Variants in ZAN observed in about 807,000 individuals in gnomAD.
ZAN encodes zonadhesin (gene/pseudogene).
A neutral mutation model predicts 286.2 loss-of-function variants in ZAN; 260 were observed. The observed-to-expected ratio is 0.91, with a 90% confidence interval of 0.82 to 1.01. The LOEUF is 1.01. Ranked by LOEUF, ZAN falls within the 50% of genes least tolerant of loss-of-function variation. The pLI is 0.00. For synonymous variants in ZAN, 1,368 were observed against 1,417.5 expected (o/e 0.97, Z 0.79); for missense variants, 3,410 against 3,639.2 (o/e 0.94, Z 1.62).
rs550685291 is a variant in ZAN at position 100,774,052 on chromosome 7, T to A, written c.5779+187T>A. On this transcript the variant is annotated intron_variant, in intron 31 of 47. Transcript: ENST00000613979. ...AGAAGGGAACCTTGGGGCTCACCCA[T>A]CCTTCTCCTGTAGCGGCCACCAACT... 9.3e-5 allele frequency among the ~76,000 whole-genome samples: 14 copies of A among 150,616 alleles called. No individual in the cohort carries two copies. In the South Asian group the frequency reaches 2.9e-3, roughly 31 times the overall value.
In ZAN at chr7:100,768,420, T is replaced by G. The variant is rs182986492; in HGVS notation, c.5042-190T>G. Among the ~76,000 whole-genome samples, 451 of 152,258 alleles carry G rather than the reference T, an allele frequency of 3.0e-3. 3 individuals carry two copies. Among genetic ancestry groups the G allele is most frequent in the Middle Eastern group, 6.8e-3 (2 of 294 alleles). ...CTGGGAGGTGGACGTTGCAGTGAGC[T>G]GAGATCGCGCCACTGCACTCCAGCC... is the stretch of plus-strand genomic sequence containing the variant. On this transcript the variant is annotated intron_variant, in intron 26 of 47. Transcript: ENST00000613979.
Position 100,749,651 on chromosome 7 carries a change from AATATAT to A in ZAN, c.1250-954_1250-949del, listed in dbSNP as rs1247548413. Among the ~76,000 whole-genome samples the A allele has an allele frequency of 9.1e-5, 10 of 109,418 alleles. No homozygotes were observed. In the East Asian group the frequency reaches 1.0e-3, roughly 11 times the overall value. 71.8% of individuals were successfully genotyped at this position (109,418 alleles called of 152,430 possible). On this transcript the variant is annotated intron_variant, in intron 11 of 47. Coordinates refer to ENST00000613979, the MANE Select transcript of ZAN (RefSeq NM_003386.3). ...TGAGACTCCGTCTCAAAAAAAAAAA[AATATAT>A]ATATATATATATATATATACACACA...
At chr7:100,779,835 C>T in intron 35 of ZAN, 85 bp downstream of exon 35, 1 of 1,346,144 alleles carries the variant, frequency 7.4e-7, no homozygotes, top group Non-Finnish European at 9.9e-7. Context: ...ACTCTCCTTC[C>T]TGTTCGTTCC....
At chr7:100,767,467 GTTTTTTTTTTTTTTT>G (rs35803818) in intron 25 of ZAN, among the ~76,000 whole-genome samples, 1 of 77,972 alleles carries the variant, frequency 1.3e-5, no homozygotes, top group African/African-American at 4.9e-5. Flanking sequence ...GTTTTTTGCC[GTTTTTTTTTTTTTTT>G]TTTTTTTTTT....
intron 35 of ZAN, among the ~76,000 whole-genome samples, chr7:100,783,763 A>AAAAAATATAT (rs1562952263): frequency 1.3e-4 from 1 of 7,482 alleles, no homozygotes; most frequent in Admixed American, 2.9e-3. Context: ...AAAAAAAAAA[A>AAAAAATATAT]ATATATATAT....
intron 42 of ZAN, among the ~76,000 whole-genome samples, chr7:100,792,982 C>CAAA (rs1232116032): frequency 8.8e-4 from 45 of 50,978 alleles, no homozygotes; most frequent in Non-Finnish European, 1.4e-3. Context: ...CATCCTATCT[C>CAAA]AAAAAAAAAA....
In ZAN at chr7:100,768,117, C is replaced by A. The variant is rs1403673602; in HGVS notation, c.5041+106C>A. 5.9e-6 allele frequency: 8 copies of A among 1,348,256 alleles called. No individual in the cohort carries two copies. In the East Asian group the frequency reaches 1.2e-4, roughly 21 times the overall value. 83.5% of individuals were successfully genotyped at this position (1,348,256 alleles called of 1,614,324 possible). ...GTGAGGTGTTCTAAGTACTTGTCAA[C>A]TGACTAATTCGTTGAGGACATTAGG... On this transcript the variant is annotated intron_variant, in intron 26 of 47. Coordinates refer to ENST00000613979, the MANE Select transcript of ZAN (RefSeq NM_003386.3).
rs571022496 is a variant in ZAN at position 100,760,396 on chromosome 7, G to A, written c.3702G>A (p.Gly1234=). Reference sequence around the variant, plus strand: ...GCCTCTGCCCTGCCTTCCAGGTTGGGGGTCAGCAAGTTACTCTCCCAGCCA... The same window carrying A: ...GCCTCTGCCCTGCCTTCCAGGTTGGAGGTCAGCAAGTTACTCTCCCAGCCA... ...TLLKGRRTLV[G]GQQVTLPAIP... The change falls in exon 19 of 48, where the codon GGG becomes GGA. Residue 1234 remains glycine, a synonymous_variant. Coordinates refer to ENST00000613979, the MANE Select transcript of ZAN (RefSeq NM_003386.3). 6.2e-7 allele frequency: 1 copy of A among 1,613,696 alleles called. No individual in the cohort carries two copies. The highest frequency in any genetic ancestry group is 2.2e-5 in the East Asian group (1 of 44,864).
In ZAN at chr7:100,773,826, T is replaced by C. The variant is rs540943387; in HGVS notation, c.5740T>C (p.Cys1914Arg). 3.1e-6 allele frequency: 5 copies of C among 1,600,556 alleles called. No homozygotes were observed. The highest frequency in any genetic ancestry group is 4.5e-5 in the East Asian group (2 of 44,788). ...FQSTCKPNQI[C>R]WALDGLLHCR... ...GAGCACCTGCAAACCCAACCAGATA[T>C]GCTGGGCCCTGGATGGGCTGCTCCA... is the stretch of plus-strand genomic sequence containing the variant. The change falls in exon 31 of 48, where the codon TGC becomes CGC. Residue 1914 changes from cysteine (C) to arginine (R), a missense_variant. Cys to Arg is a radical substitution (Grantham distance 180, BLOSUM62 -3). Transcript: ENST00000613979.
intron 24 of ZAN, 47 bp downstream of exon 24, chr7:100,766,713 C>CCT: frequency 6.5e-7 from 1 of 1,539,764 alleles, no homozygotes; most frequent in South Asian, 1.2e-5. Context: ...CCAGGCAACA[C>CCT]CAGGCAAGGT....
In ZAN at chr7:100,784,690, C is replaced by T. The variant is rs778181433; in HGVS notation, c.6690C>T (p.Asp2230=). 3 of 1,613,944 alleles carry T rather than the reference C, an allele frequency of 1.9e-6. No individual in the cohort carries two copies. The highest frequency in any genetic ancestry group is 2.5e-6 in the Non-Finnish European group (3 of 1,179,882). The change falls in exon 36 of 48, where the codon GAC becomes GAT. Residue 2230 remains aspartate (D), a synonymous_variant. Coordinates refer to ENST00000613979, the MANE Select transcript of ZAN (RefSeq NM_003386.3). ...CCTCCTGCTCACCCTCCTGCTGGGACCTGGATGGCCGGTGTGAGGGCGCCA... is the reference window on the plus strand; with the variant it reads ...CCTCCTGCTCACCCTCCTGCTGGGATCTGGATGGCCGGTGTGAGGGCGCCA... ...CLPSCSPSCW[D]LDGRCEGAKV...
chr7:100,753,135 T>C lies in ZAN; in HGVS notation c.3030T>C (p.Thr1010=). 1 of 1,613,714 alleles carries C rather than the reference T, an allele frequency of 6.2e-7. No homozygotes were observed. The highest frequency in any genetic ancestry group is 1.1e-5 in the South Asian group (1 of 91,068). ...CACCCCATCCCAGCCCCACAGCCACTGGGCTGGCAGCCTTGGTGATGTCTC... is the reference window on the plus strand; with the variant it reads ...CACCCCATCCCAGCCCCACAGCCACCGGGCTGGCAGCCTTGGTGATGTCTC... ...LRPPHPSPTA[T]GLAALVMSPH... Residue 1010 remains threonine, a synonymous_variant, in exon 14 of 48, where the codon ACT becomes ACC. Coordinates refer to ENST00000613979, the MANE Select transcript of ZAN (RefSeq NM_003386.3).
At chr7:100,787,851 T>G in intron 37 of ZAN, 38 bp from the exon 38 acceptor site, 1 of 1,464,618 alleles carries the variant, frequency 6.8e-7, no homozygotes, top group Non-Finnish European at 9.2e-7. Flanking sequence ...CGTGAGCCAC[T>G]GCGCCCGGCC....
chr7:100,772,859 GTT>G (rs34950036), intron 29 of ZAN, among the ~76,000 whole-genome samples: 1 of 130,542 alleles, frequency 7.7e-6, no homozygotes, highest in Admixed American at 7.9e-5. Context: ...TTTTATGTCT[GTT>G]TTTTTTTTGT....
rs1807473094 is a variant in ZAN, at chr7:100,738,597, C to T, written c.750C>T (p.Asp250=). ...AGCCAGGCGTGGGGCCTGATGGCGA[C>T]TTCTCTAGCCCTGGTAGTGAGTAGC... ...SGKPGVGPDG[D]FSSPGSGCYM... Residue 250 remains aspartate, a synonymous_variant, in exon 7 of 48, where the codon GAC becomes GAT. Coordinates refer to ENST00000613979, the MANE Select transcript of ZAN (RefSeq NM_003386.3). The T allele has an allele frequency of 1.3e-6, 2 of 1,517,714 alleles. No homozygotes were observed. Among genetic ancestry groups the T allele is most frequent in the African/African-American group, 2.8e-5 (2 of 70,820 alleles). 94.0% of individuals were successfully genotyped at this position (1,517,714 alleles called of 1,614,324 possible).
At position 100,735,913 on chromosome 7, in the gene ZAN, T is replaced by G; in HGVS notation, c.106+141T>G. On this transcript the variant is annotated intron_variant, in intron 3 of 47. Coordinates refer to ENST00000613979, the MANE Select transcript of ZAN (RefSeq NM_003386.3). ...GGGCATCAGCCAGGACTACAAAATG[T>G]GTCCTGCCAGGCCAAGTCCAGCCCT... 2 of 671,496 alleles carry G rather than the reference T, an allele frequency of 3.0e-6. 1 individual carries two copies. The highest frequency in any genetic ancestry group is 5.0e-6 in the Non-Finnish European group (2 of 400,730). 41.6% of individuals were successfully genotyped at this position (671,496 alleles called of 1,614,324 possible). A position where few individuals can be genotyped will look rare whatever the true frequency, so the allele number is the denominator to read the frequency against.
intron 6 of ZAN, among the ~76,000 whole-genome samples, chr7:100,737,939 C>T (rs1807428394): frequency 7.2e-6 from 1 of 138,200 alleles, no homozygotes; most frequent in South Asian, 2.2e-4. Flanking sequence ...CCCATCTCTA[C>T]AAAAGAATTT....
At chr7:100,788,248 G>A (rs2116300787) in intron 38 of ZAN, 112 bp downstream of exon 38, 3 of 1,372,554 alleles carry the variant, frequency 2.2e-6, no homozygotes, top group Non-Finnish European at 2.8e-6. Flanking sequence ...GCAGGGGTGG[G>A]CTGGTTGTAA....
In ZAN at chr7:100,796,109, CA is replaced by C. The variant is rs939119920; in HGVS notation, c.8266+779del. On this transcript the variant is annotated intron_variant, in intron 45 of 47. Coordinates refer to ENST00000613979, the MANE Select transcript of ZAN (RefSeq NM_003386.3). ...CAAAAAACAAAAACCAAAAACAAAACAAAAAACTAGTTCCTGTGCCCATCTC... is the reference window on the plus strand; with the variant it reads ...CAAAAAACAAAAACCAAAAACAAAACAAAAACTAGTTCCTGTGCCCATCTC... Among the ~76,000 whole-genome samples, 14 of 151,742 alleles carry C rather than the reference CA, an allele frequency of 9.2e-5. No individual in the cohort carries two copies. In the Admixed American group the frequency reaches 9.2e-4, roughly 10 times the overall value.
Sources: gnomAD v4.1 joint callset for allele counts (sites outside exome capture counted in the v4.1 genomes callset) on GRCh38, gnomAD v4.1.1 for gene constraint, MANE v1.5 for transcripts, NCBI Gene and HGNC (gene_info 2026-07-23, HGNC 2026-07-21) for gene names.